The following MRC2 variants were observed in gnomAD, a reference collection of about 807,000 sequenced individuals.
MRC2 encodes mannose receptor C-type 2.
Under a neutral mutation model 206.2 loss-of-function variants are expected in MRC2, and 84 were observed. The ratio of observed to expected loss-of-function variants is 0.41; its 90% CI spans 0.34 to 0.49. The LOEUF (loss-of-function observed/expected upper bound fraction) is 0.49. Ranked by LOEUF, MRC2 falls within the 20% of genes least tolerant of loss-of-function variation. The pLI is 0.31. For synonymous variants in MRC2, 798 were observed against 800.0 expected (o/e 1.00, Z 0.04); for missense variants, 1,676 against 2,001.5 (o/e 0.84, Z 3.10).
intron 20 of MRC2, among the ~76,000 whole-genome samples, chr17:62,686,215 G>A (rs1412874720): frequency 6.6e-6 from 1 of 152,184 alleles, no homozygotes; most frequent in Non-Finnish European, 1.5e-5. Flanking sequence ...CACTTTGGGA[G>A]GCCTAGGTGG....
chr17:62,688,825 C>T (rs1568072008), intron 22 of MRC2, 27 bp from the exon 23 acceptor site: 1 of 1,583,368 alleles, frequency 6.3e-7, no homozygotes, highest in Non-Finnish European at 8.6e-7. Context: ...GCTGCTGGGG[C>T]TCCCCTGAGC....
Position 62,692,383 on chromosome 17 carries a change from A to G in MRC2, c.4372A>G (p.Ser1458Gly). The G allele has an allele frequency of 1.3e-6, 2 of 1,574,398 alleles. No individual in the cohort carries two copies. The highest frequency in any genetic ancestry group is 1.7e-6 in the Non-Finnish European group (2 of 1,159,784). The change falls in exon 30 of 30, where the codon AGC (serine) becomes GGC (glycine). Residue 1458 changes from serine to glycine, a missense_variant. Physicochemically the swap from Ser to Gly is moderately conservative, Grantham distance 56 (BLOSUM62 0). This residue lies in a region of MRC2 where 1,354 missense variants were observed against 1,636.6 expected (regional missense o/e 0.83). Coordinates refer to ENST00000303375, the MANE Select transcript of MRC2 (RefSeq NM_006039.5). The surrounding 1 kb of genome is among the most constrained non-coding windows in gnomAD (Gnocchi z 4.2). ...EGARYSRSSS[S>G]PTEATEKNIL... ...TGCCCGCTACAGCCGCAGCAGCTCC[A>G]GCCCCACCGAGGCCACTGAGAAGAA...
chr17:62,681,602 G>T lies in MRC2; in HGVS notation c.2703-235G>T, dbSNP rs928535208. 1.2e-5 allele frequency: 6 copies of T among 519,552 alleles called. No individual in the cohort carries two copies. In the African/African-American group the frequency reaches 1.2e-4, roughly 10 times the overall value. The allele number at this position is 519,552 out of a possible 1,614,324, so 32.2% of individuals were successfully genotyped here. A position where few individuals can be genotyped will look rare whatever the true frequency, so the allele number is the denominator to read the frequency against. On this transcript the variant is annotated intron_variant, in intron 18 of 29. Coordinates refer to ENST00000303375, the MANE Select transcript of MRC2 (RefSeq NM_006039.5). The stretch of plus-strand genomic sequence containing the variant: ...GGGCTTCCTGCCCTGGAGTCCTCAG[G>T]CTTCTTTTCTGGAGCAGCAAGTGTC...
intron 6 of MRC2, among the ~76,000 whole-genome samples, chr17:62,668,191 T>C (rs2088780711): frequency 6.6e-6 from 1 of 151,724 alleles, no homozygotes; most frequent in Admixed American, 6.6e-5. Flanking sequence ...ACCCTGTCTC[T>C]GCAAAATATT....
chr17:62,678,451 C>T (rs979259841), intron 12 of MRC2, 53 bp from the exon 13 acceptor site: 2 of 1,588,004 alleles, frequency 1.3e-6, no homozygotes, highest in African/African-American at 2.7e-5. Context: ...TAGGTGCCCC[C>T]TGAGGGGTGG....
intron 1 of MRC2, among the ~76,000 whole-genome samples, chr17:62,654,142 C>T (rs1476925097): frequency 3.9e-5 from 6 of 152,216 alleles, no homozygotes; most frequent in African/African-American, 9.6e-5. Flanking sequence ...CTCGCCTCTG[C>T]GTGGCCTGGG....
At position 62,691,459 on chromosome 17, in the gene MRC2, G is replaced by A. The variant is rs78087112; in HGVS notation, c.4192+331G>A. On this transcript the variant is annotated intron_variant, in intron 28 of 29. Coordinates refer to ENST00000303375, the MANE Select transcript of MRC2 (RefSeq NM_006039.5). ...CAGAGTCTGTGGCCTCAGTTTCCTC[G>A]TATGTAAAATGGGAATAATAGTAGT... is the stretch of plus-strand genomic sequence containing the variant. 3.7e-3 allele frequency among the ~76,000 whole-genome samples: 562 copies of A among 152,228 alleles called. 4 individuals are homozygous for A. The highest frequency in any genetic ancestry group is 0.013 in the African/African-American group (537 of 41,516).
intron 1 of MRC2, among the ~76,000 whole-genome samples, chr17:62,634,936 T>C (rs2088293777): frequency 6.6e-6 from 1 of 151,806 alleles, no homozygotes. Flanking sequence ...GTTCAGGCGA[T>C]TCTCTTGCCT....
At chr17:62,669,451 G>C (rs1470136335) in intron 6 of MRC2, among the ~76,000 whole-genome samples, 1 of 151,684 alleles carries the variant, frequency 6.6e-6, no homozygotes, top group African/African-American at 2.4e-5. Context: ...CCTGACCTCA[G>C]GTGATCTGCC....
rs2088893228 is a variant in MRC2 at position 62,676,456 on chromosome 17, C to T, written c.1759C>T (p.Leu587Phe). Residue 587 changes from leucine to phenylalanine, a missense_variant, in exon 11 of 30, where the codon CTC (leucine) becomes TTC (phenylalanine). Coordinates refer to ENST00000303375, the MANE Select transcript of MRC2 (RefSeq NM_006039.5). ...GEYFWTALQD[L>F]NSTGSFFWLS... is the part of the protein sequence containing the mutation. ...GTACTTCTGGACGGCCCTGCAGGAC[C>T]TCAACAGCACCGGCTCCTTCTTCTG... 1.2e-6 allele frequency: 2 copies of T among 1,613,614 alleles called. No individual in the cohort carries two copies. Among genetic ancestry groups the T allele is most frequent in the South Asian group, 2.2e-5 (2 of 91,036 alleles).
At chr17:62,649,149 A>C (rs2088525422) in intron 1 of MRC2, among the ~76,000 whole-genome samples, 2 of 152,226 alleles carry the variant, frequency 1.3e-5, no homozygotes, top group African/African-American at 4.8e-5. Context: ...TGCCCTCCCA[A>C]GCCCTCCACC....
In MRC2 at chr17:62,692,364, C is replaced by G; in HGVS notation, c.4353C>G (p.Arg1451=). The change falls in exon 30 of 30, where the codon CGC becomes CGG. Residue 1451 remains arginine, a synonymous_variant. Transcript: ENST00000303375. This position sits in a 1 kb window ranked among gnomAD's most constrained non-coding sequence, Gnocchi z 4.2. ...AGCGCGGGGCCTTTGAGGGTGCCCG[C>G]TACAGCCGCAGCAGCTCCAGCCCCA... The part of the protein sequence containing the change: ...SIERGAFEGA[R]YSRSSSSPTE... 2 of 1,573,758 alleles carry G rather than the reference C, an allele frequency of 1.3e-6. No individual in the cohort carries two copies. Among genetic ancestry groups the G allele is most frequent in the Non-Finnish European group, 1.7e-6 (2 of 1,159,652 alleles).
At position 62,680,115 on chromosome 17, in the gene MRC2, G is replaced by A. The variant is rs115648394; in HGVS notation, c.2299-55G>A. The A allele has an allele frequency of 1.5e-3, 2,364 of 1,608,488 alleles. 32 individuals carry two copies. In the African/African-American group the frequency reaches 0.029, roughly 20 times the overall value. ...TCTTGTTCACCTGTTCCGGGCATGG[G>A]GGCGGCCTGCACCTTGCGCCTCACG... On this transcript the variant is annotated intron_variant, in intron 14 of 29. Coordinates refer to ENST00000303375, the MANE Select transcript of MRC2 (RefSeq NM_006039.5). The surrounding 1 kb of genome is among the most constrained non-coding windows in gnomAD (Gnocchi z 4.8).
At chr17:62,639,376 T>G (rs2088370315) in intron 1 of MRC2, among the ~76,000 whole-genome samples, 1 of 152,044 alleles carries the variant, frequency 6.6e-6, no homozygotes, top group Admixed American at 6.6e-5. Flanking sequence ...AGTGCAAGGA[T>G]CACTGGAAAT....
intron 1 of MRC2, among the ~76,000 whole-genome samples, chr17:62,628,793 A>G (rs2084192022): frequency 6.6e-6 from 1 of 151,576 alleles, no homozygotes; most frequent in Non-Finnish European, 1.5e-5. Context: ...AAGAGTTGAA[A>G]GGAAAGATCC....
intron 12 of MRC2, among the ~76,000 whole-genome samples, chr17:62,678,183 C>T (rs1444012130): frequency 2.0e-5 from 3 of 152,160 alleles, no homozygotes; most frequent in Non-Finnish European, 4.4e-5. Flanking sequence ...TGGCAGAGTC[C>T]GAGGTCTTTT....
chr17:62,682,520 C>A, intron 20 of MRC2, 143 bp downstream of exon 20: 1 of 964,186 alleles, frequency 1.0e-6, no homozygotes. Context: ...TTTCACCTGG[C>A]TCCAGTACCA....
rs957367864 is a variant in MRC2 at position 62,693,506 on chromosome 17, T to C, written c.*1055T>C. On this transcript the variant is annotated 3_prime_UTR_variant, in exon 30 of 30. Transcript: ENST00000303375. ...CGAAGACATGGCCCTTTCTCTGTAG[T>C]TGATTTTTTAAATGTGCCATTATTG... 6.6e-6 allele frequency: 1 copy of C among 152,532 alleles called. No homozygotes were observed. Among genetic ancestry groups the C allele is most frequent in the Non-Finnish European group, 1.5e-5 (1 of 68,026 alleles). The allele number at this position is 152,532 out of a possible 1,614,324, so 9.4% of individuals were successfully genotyped here. A position where few individuals can be genotyped will look rare whatever the true frequency, so the allele number is the denominator to read the frequency against.
At position 62,667,433 on chromosome 17, in the gene MRC2, C is replaced by T; in HGVS notation, c.1017C>T (p.Arg339=). ...NPSEENCGVI[R]TESSGGWQNR... ...GTGAGGAGAACTGTGGAGTGATCCG[C>T]ACTGAGTCCTCGGGCGGCTGGCAGA... Residue 339 remains arginine, a synonymous_variant, in exon 6 of 30, where the codon CGC becomes CGT. Coordinates refer to ENST00000303375, the MANE Select transcript of MRC2 (RefSeq NM_006039.5). The surrounding 1 kb of genome is among the most constrained non-coding windows in gnomAD (Gnocchi z 4.1). 1 of 1,612,724 alleles carries T rather than the reference C, an allele frequency of 6.2e-7. No individual in the cohort carries two copies. The highest frequency in any genetic ancestry group is 2.2e-5 in the East Asian group (1 of 44,832).
Sources: allele counts gnomAD v4.1 joint callset (sites outside exome capture counted in the v4.1 genomes callset), GRCh38; gene constraint gnomAD v4.1.1; regional missense constraint gnomAD v4.1.1; non-coding constraint Gnocchi (gnomAD v3.1); transcripts MANE v1.5; gene names NCBI Gene and HGNC (gene_info 2026-07-23, HGNC 2026-07-21).